RETREG1: variants seen among roughly 807,000 people sequenced by gnomAD.
The protein encoded by RETREG1 is reticulophagy regulator 1, also known as family with sequence similarity 134 member B.
A neutral mutation model predicts 54.8 loss-of-function variants in RETREG1; 44 were observed. The observed-to-expected ratio is 0.80, with a 90% confidence interval of 0.63 to 1.03. RETREG1 has a LOEUF of 1.03. RETREG1 is among the 50% of genes least tolerant of loss of function. The probability of loss-of-function intolerance (pLI) is 0.00; values close to 1 mark genes in which losing one functional copy is unlikely to be tolerated. For missense variants in RETREG1, 554 were observed against 605.1 expected, an observed-to-expected ratio of 0.92 and a Z score of 0.89; for synonymous variants, 217 against 238.5, an observed-to-expected ratio of 0.91 and a Z score of 0.83.
intron 3 of RETREG1, chr5:16,508,630 A>G: frequency 6.2e-7 from 1 of 1,614,198 alleles, no homozygotes; most frequent in Non-Finnish European, 8.5e-7. Context: ...CTTTAAAAAT[A>G]ATAACAGTGG....
chr5:16,542,656 G>A (rs1741283294), intron 3 of RETREG1, among the ~76,000 whole-genome samples: 1 of 152,128 alleles, frequency 6.6e-6, no homozygotes, highest in Non-Finnish European at 1.5e-5. Flanking sequence ...ATAAATAAAT[G>A]TAATACATTA....
At chr5:16,512,913 T>C (rs1283585361) in intron 3 of RETREG1, among the ~76,000 whole-genome samples, 1 of 151,026 alleles carries the variant, frequency 6.6e-6, no homozygotes, top group African/African-American at 2.5e-5. Flanking sequence ...CCTCTAGTGA[T>C]TCCCAGAAAC....
At chr5:16,595,827 G>T (rs1190824502) in intron 1 of RETREG1, among the ~76,000 whole-genome samples, 1 of 152,134 alleles carries the variant, frequency 6.6e-6, no homozygotes. Context: ...GCTTTTTAGG[G>T]TCCTGGAAGA....
chr5:16,585,826 G>A lies in RETREG1; in HGVS notation c.321-13724C>T, dbSNP rs1208159720. 3.5e-4 allele frequency among the ~76,000 whole-genome samples: 53 copies of A among 152,000 alleles called. No individual in the cohort carries two copies. Among genetic ancestry groups the A allele is most frequent in the Admixed American group, 3.4e-3 (52 of 15,256 alleles). Reference sequence around the variant, plus strand: ...TCATATGGTGGGAGCAGTGGCAAGAGGGAGTGTGGGGAGGGGGTGCCACAT... The same window carrying A: ...TCATATGGTGGGAGCAGTGGCAAGAAGGAGTGTGGGGAGGGGGTGCCACAT... On this transcript the variant is annotated intron_variant, in intron 1 of 8. Transcript: ENST00000306320. This position sits in a 1 kb window ranked among gnomAD's most constrained non-coding sequence, Gnocchi z 4.5.
intron 1 of RETREG1, among the ~76,000 whole-genome samples, chr5:16,574,327 A>G (rs1354466458): frequency 6.6e-6 from 1 of 152,212 alleles, no homozygotes; most frequent in Non-Finnish European, 1.5e-5. Context: ...GCTACAAACA[A>G]TAGAGAGAAA....
intron 3 of RETREG1, chr5:16,509,112 C>T (rs1428229806): frequency 8.2e-6 from 6 of 727,946 alleles, no homozygotes; most frequent in Non-Finnish European, 1.0e-5. Context: ...TGAAACATCA[C>T]CCTGGGCTAT....
At chr5:16,536,127 C>G (rs1741066591) in intron 3 of RETREG1, among the ~76,000 whole-genome samples, 1 of 152,196 alleles carries the variant, frequency 6.6e-6, no homozygotes, top group East Asian at 1.9e-4. Context: ...CTGACCAGTC[C>G]TTTTATCTCC....
chr5:16,538,522 A>G (rs536852501), intron 3 of RETREG1, among the ~76,000 whole-genome samples: 41 of 152,226 alleles, frequency 2.7e-4, no homozygotes, highest in African/African-American at 9.9e-4. Context: ...CGATACTTCT[A>G]TTACTACACC....
rs988208311 is a variant in RETREG1, at chr5:16,474,339, C to A, written c.*402G>T. On this transcript the variant is annotated 3_prime_UTR_variant, in exon 9 of 9. Coordinates refer to ENST00000306320, the MANE Select transcript of RETREG1 (RefSeq NM_001034850.3). ...AAGGAAGCTGGTAACAGCATGTATT[C>A]ACAATTAATTGTTAATATTTTTCAG... The A allele has an allele frequency of 6.0e-6, 1 of 167,736 alleles. No individual in the cohort carries two copies. Among genetic ancestry groups the A allele is most frequent in the African/African-American group, 2.4e-5 (1 of 41,512 alleles). 10.4% of individuals were successfully genotyped at this position (167,736 alleles called of 1,614,324 possible).
chr5:16,612,663 C>A (rs1206646579), intron 1 of RETREG1, among the ~76,000 whole-genome samples: 2 of 152,224 alleles, frequency 1.3e-5, no homozygotes, highest in East Asian at 3.9e-4. Flanking sequence ...TTGTGGAAAC[C>A]CTGCTTTTTG....
chr5:16,563,494 A>G (rs748690458), intron 3 of RETREG1, among the ~76,000 whole-genome samples: 26 of 152,112 alleles, frequency 1.7e-4, no homozygotes, highest in Non-Finnish European at 5.9e-5. Flanking sequence ...TCCTGGGCTC[A>G]AGCAATCTGC....
chr5:16,520,416 G>A (rs751150174), intron 3 of RETREG1, among the ~76,000 whole-genome samples: 10 of 151,872 alleles, frequency 6.6e-5, no homozygotes, highest in Admixed American at 1.3e-4. Context: ...TGCAACCTCC[G>A]TCTCCCGCGT....
At chr5:16,578,393 G>A (rs1440614556) in intron 1 of RETREG1, among the ~76,000 whole-genome samples, 5 of 152,160 alleles carry the variant, frequency 3.3e-5, no homozygotes, top group Non-Finnish European at 7.3e-5. Flanking sequence ...TGAGTTTTAA[G>A]TTTGTAATTT....
At chr5:16,568,648 G>A (rs1382543531) in intron 2 of RETREG1, among the ~76,000 whole-genome samples, 1 of 152,142 alleles carries the variant, frequency 6.6e-6, no homozygotes, top group Non-Finnish European at 1.5e-5. Context: ...CAAAGTCATA[G>A]AAGCAGAAAG....
intron 3 of RETREG1, among the ~76,000 whole-genome samples, chr5:16,564,935 C>T (rs1387684558): frequency 2.0e-5 from 3 of 152,150 alleles, no homozygotes; most frequent in Non-Finnish European, 2.9e-5. Flanking sequence ...ATTATTTTGT[C>T]CTCCTTTTGT....
chr5:16,516,484 G>C (rs143310621), intron 3 of RETREG1, among the ~76,000 whole-genome samples: 1 of 152,246 alleles, frequency 6.6e-6, no homozygotes, highest in South Asian at 2.1e-4. Flanking sequence ...CTGAGTCCCA[G>C]TTGAAATTCC....
At chr5:16,478,233 ACAAAT>A in intron 6 of RETREG1, 135 bp from the exon 7 acceptor site, 1 of 646,720 alleles carries the variant, frequency 1.5e-6, no homozygotes, top group Non-Finnish European at 2.8e-6. Flanking sequence ...ATTCTTAACT[ACAAAT>A]ATAATTAAAT....
At chr5:16,511,113 TC>T (rs1359541312) in intron 3 of RETREG1, among the ~76,000 whole-genome samples, 1 of 152,308 alleles carries the variant, frequency 6.6e-6, no homozygotes, top group East Asian at 1.9e-4. Context: ...TTACAGACAG[TC>T]CCCAACTTAG....
In RETREG1 at chr5:16,562,276, T is replaced by C. The variant is rs532551510; in HGVS notation, c.458+3487A>G. Among the ~76,000 whole-genome samples the C allele has an allele frequency of 6.6e-5, 10 of 152,090 alleles. No homozygotes were observed. In the East Asian group the frequency reaches 1.7e-3, roughly 27 times the overall value. On this transcript the variant is annotated intron_variant, in intron 3 of 8. Coordinates refer to ENST00000306320, the MANE Select transcript of RETREG1 (RefSeq NM_001034850.3). Reference sequence around the variant, plus strand: ...GTTGCAGTGAGCTGAGATCGCGCCATTGCACTCCAGCCTGGGCAACAAGAG... The same window carrying C: ...GTTGCAGTGAGCTGAGATCGCGCCACTGCACTCCAGCCTGGGCAACAAGAG...
Sources: allele counts gnomAD v4.1 joint callset (sites outside exome capture counted in the v4.1 genomes callset), GRCh38; gene constraint gnomAD v4.1.1; non-coding constraint Gnocchi (gnomAD v3.1); transcripts MANE v1.5; gene names NCBI Gene and HGNC (gene_info 2026-07-23, HGNC 2026-07-21).